Variants in GLRA3 observed in about 807,000 individuals in gnomAD.
GLRA3 encodes the protein glycine receptor subunit alpha-3.
A neutral mutation model predicts 60.4 loss-of-function variants in GLRA3; 44 were observed. The observed-to-expected ratio is 0.73, with a 90% CI of 0.57 to 0.94. GLRA3 has a LOEUF of 0.94. GLRA3 is among the 40% of genes least tolerant of loss of function. The probability of loss-of-function intolerance (pLI) is 0.00; values close to 1 mark genes in which losing one functional copy is unlikely to be tolerated. For missense variants in GLRA3, 508 were observed against 564.6 expected, an observed-to-expected ratio of 0.90 and a Z score of 1.02; for synonymous variants, 223 against 192.9, an observed-to-expected ratio of 1.16 and a Z score of -1.29.
intron 5 of GLRA3, among the ~76,000 whole-genome samples, chr4:174,699,190 C>CG (rs1455573906): frequency 6.6e-6 from 1 of 151,946 alleles, no homozygotes; most frequent in Non-Finnish European, 1.5e-5. Context: ...TTAGTAGAGA[C>CG]AGGGTTTCAC....
intron 5 of GLRA3, among the ~76,000 whole-genome samples, chr4:174,700,298 A>G (rs1281018816): frequency 2.0e-5 from 3 of 152,156 alleles, no homozygotes; most frequent in Non-Finnish European, 2.9e-5. Flanking sequence ...ATATTAAGCA[A>G]GTCTATCAGC....
At chr4:174,782,807 G>A (rs1343951451) in intron 2 of GLRA3, among the ~76,000 whole-genome samples, 1 of 151,714 alleles carries the variant, frequency 6.6e-6, no homozygotes, top group Non-Finnish European at 1.5e-5. Flanking sequence ...CACTGCTCAA[G>A]GAAATAAAAG....
chr4:174,743,903 AC>A lies in GLRA3; in HGVS notation c.268-15206del, dbSNP rs369079647. Reference sequence around the variant, plus strand: ...CCTGGGTTTATGAGTACAGAACAGGACCCCCTCTCTTGATCCATACACCACT... The same window carrying A: ...CCTGGGTTTATGAGTACAGAACAGGACCCCTCTCTTGATCCATACACCACT... On this transcript the variant is annotated intron_variant, in intron 3 of 9. Transcript: ENST00000274093. 5.2e-3 allele frequency among the ~76,000 whole-genome samples: 788 copies of A among 151,800 alleles called. 5 individuals are homozygous for A. Among genetic ancestry groups the A allele is most frequent in the African/African-American group, 0.018 (746 of 41,228 alleles).
intron 1 of GLRA3, among the ~76,000 whole-genome samples, chr4:174,793,931 T>C (rs922741308): frequency 1.3e-5 from 2 of 152,148 alleles, no homozygotes; most frequent in African/African-American, 4.8e-5. Flanking sequence ...TAATTAATTT[T>C]AGATTTAAGA....
intron 3 of GLRA3, among the ~76,000 whole-genome samples, chr4:174,747,403 T>C (rs759873856): frequency 9.8e-5 from 15 of 152,294 alleles, no homozygotes; most frequent in Non-Finnish European, 2.1e-4. Context: ...AGACAGATTA[T>C]ACAGGGCTAG....
At chr4:174,689,756 TAAAAAAAAAA>T (rs553306775) in intron 5 of GLRA3, among the ~76,000 whole-genome samples, 33 of 39,540 alleles carry the variant, frequency 8.3e-4, no homozygotes, top group Admixed American at 1.2e-3. Flanking sequence ...TAAGTCGCAT[TAAAAAAAAAA>T]AAAAAAAAAA....
rs1189161171 is a variant in GLRA3 at position 174,643,007 on chromosome 4, T to G, written c.*779A>C. 1 of 921,042 alleles carries G rather than the reference T, an allele frequency of 1.1e-6. No individual in the cohort carries two copies. Among genetic ancestry groups the G allele is most frequent in the East Asian group, 1.2e-4 (1 of 8,532 alleles). The allele number at this position is 921,042 out of a possible 1,614,324, so 57.1% of individuals were successfully genotyped here. A position where few individuals can be genotyped will look rare whatever the true frequency, so the allele number is the denominator to read the frequency against. ...TCTAACAAAAACAAGGGTGCTGGCT[T>G]GAATTGTTCAATGTTTGGCAATAAC... On this transcript the variant is annotated 3_prime_UTR_variant, in exon 10 of 10. Coordinates refer to ENST00000274093, the MANE Select transcript of GLRA3 (RefSeq NM_006529.4).
At chr4:174,717,134 C>T (rs1335058900) in intron 4 of GLRA3, among the ~76,000 whole-genome samples, 3 of 148,824 alleles carry the variant, frequency 2.0e-5, no homozygotes, top group East Asian at 2.0e-4. Context: ...ATGGCTTGAG[C>T]CCAGGAGGTC....
chr4:174,720,962 A>G (rs1736105095), intron 4 of GLRA3, among the ~76,000 whole-genome samples: 1 of 152,064 alleles, frequency 6.6e-6, no homozygotes, highest in Non-Finnish European at 1.5e-5. Flanking sequence ...TGGGCAGGGC[A>G]AAAGTACAAC....
intron 7 of GLRA3, among the ~76,000 whole-genome samples, chr4:174,668,565 C>G (rs1161009178): frequency 6.6e-6 from 1 of 151,988 alleles, no homozygotes; most frequent in Non-Finnish European, 1.5e-5. Flanking sequence ...TATTAATGGG[C>G]AAAGATATAT....
At chr4:174,679,780 A>T (rs1487198918) in intron 6 of GLRA3, among the ~76,000 whole-genome samples, 1 of 152,212 alleles carries the variant, frequency 6.6e-6, no homozygotes, top group Non-Finnish European at 1.5e-5. Context: ...ACAATATCAC[A>T]TATTATTATT....
intron 1 of GLRA3, among the ~76,000 whole-genome samples, chr4:174,806,809 T>C (rs1740070795): frequency 6.6e-6 from 1 of 152,050 alleles, no homozygotes. Flanking sequence ...TATCTGTATA[T>C]ATTTCTATAG....
At chr4:174,671,010 C>T (rs1381323329) in intron 7 of GLRA3, among the ~76,000 whole-genome samples, 1 of 150,552 alleles carries the variant, frequency 6.6e-6, no homozygotes, top group Non-Finnish European at 1.5e-5. Context: ...TTTCTTTTTC[C>T]CCTTTTTTCT....
chr4:174,664,467 C>T (rs1733578984), intron 7 of GLRA3, among the ~76,000 whole-genome samples: 1 of 152,152 alleles, frequency 6.6e-6, no homozygotes, highest in Non-Finnish European at 1.5e-5. Flanking sequence ...CCCCTCTCTT[C>T]TCATTAAGAG....
chr4:174,709,967 C>CA (rs71595428), intron 5 of GLRA3, among the ~76,000 whole-genome samples: 1 of 142,088 alleles, frequency 7.0e-6, no homozygotes, highest in Non-Finnish European at 1.5e-5. Flanking sequence ...TGTTGATTTT[C>CA]TTTTTTTTTT....
chr4:174,705,039 A>G (rs965835360), intron 5 of GLRA3, among the ~76,000 whole-genome samples: 2 of 144,164 alleles, frequency 1.4e-5, no homozygotes, highest in African/African-American at 5.0e-5. Flanking sequence ...ACCAAATACT[A>G]CTGAACCGAA....
intron 4 of GLRA3, among the ~76,000 whole-genome samples, chr4:174,717,444 C>T (rs930234116): frequency 6.6e-6 from 1 of 152,142 alleles, no homozygotes. Flanking sequence ...TGCAGCTCTA[C>T]TAAATATAAC....
chr4:174,661,022 T>A (rs1183020098), intron 7 of GLRA3, among the ~76,000 whole-genome samples: 5 of 152,184 alleles, frequency 3.3e-5, no homozygotes, highest in African/African-American at 7.2e-5. Flanking sequence ...TTCCTGTTCT[T>A]GTTTTTGAGT....
chr4:174,787,458 A>T (rs548190890), intron 2 of GLRA3, among the ~76,000 whole-genome samples: 76 of 152,156 alleles, frequency 5.0e-4, no homozygotes, highest in Non-Finnish European at 7.2e-4. Context: ...GGAAAAGATC[A>T]TTATAATACT....
Sources: gnomAD v4.1 joint callset for allele counts (sites outside exome capture counted in the v4.1 genomes callset) on GRCh38, gnomAD v4.1.1 for gene constraint, MANE v1.5 for transcripts, NCBI Gene and HGNC (gene_info 2026-07-23, HGNC 2026-07-21) for gene names.